The following FGF3 variants were observed in gnomAD, a reference collection of about 807,000 sequenced individuals.
FGF3 encodes fibroblast growth factor 3.
Under a neutral mutation model 9.8 loss-of-function variants are expected in FGF3, and 7 were observed. That is an observed-to-expected ratio of 0.72 (90% CI 0.41 to 1.35). The LOEUF (loss-of-function observed/expected upper bound fraction) is 1.35, where lower values mean the gene tolerates loss of function less well. FGF3 is among the 40% of genes most tolerant of loss of function. The pLI is 0.01. For missense variants in FGF3, 390 were observed against 345.6 expected (o/e 1.13, Z -1.02); for synonymous variants, 173 against 157.2 (o/e 1.10, Z -0.75).
intron 1 of FGF3, among the ~76,000 whole-genome samples, chr11:69,816,860 G>T (rs1856141799): frequency 6.6e-6 from 1 of 152,186 alleles, no homozygotes; most frequent in Non-Finnish European, 1.5e-5. Context: ...GGGACTGCAC[G>T]GTCCCCAATG....
chr11:69,818,868 C>T lies in FGF3; in HGVS notation c.66G>A (p.Gly22=). 1 of 1,464,192 alleles carries T rather than the reference C, an allele frequency of 6.8e-7. No homozygotes were observed. The highest frequency in any genetic ancestry group is 9.0e-7 in the Non-Finnish European group (1 of 1,114,410). The allele number at this position is 1,464,192 out of a possible 1,614,324, so 90.7% of individuals were successfully genotyped here. ...LEPGWPAAGP[G]ARLRRDAGGR... is the part of the protein sequence containing the mutation. ...CGCCCGCATCGCGCCGCAACCGCGC[C>T]CCAGGGCCCGCTGCGGGCCAGCCGG... Residue 22 remains glycine (G), a synonymous_variant, in exon 1 of 3, where the codon GGG becomes GGA. Coordinates refer to ENST00000334134, the MANE Select transcript of FGF3 (RefSeq NM_005247.4).
In FGF3 at chr11:69,819,002, A is replaced by G. The variant is rs1356333326; in HGVS notation, c.-69T>C. ...GCGCGGCGCCCATGGAAGGGGCGGC[A>G]GCCGGACAGCTGCGAGGTGCTCGGA... On this transcript the variant is annotated 5_prime_UTR_variant, in exon 1 of 3. Transcript: ENST00000334134. 7.5e-5 allele frequency: 80 copies of G among 1,063,268 alleles called. No individual in the cohort carries two copies. The highest frequency in any genetic ancestry group is 9.7e-5 in the Non-Finnish European group (75 of 776,240). 65.9% of individuals were successfully genotyped at this position (1,063,268 alleles called of 1,614,324 possible). A position where few individuals can be genotyped will look rare whatever the true frequency, so the allele number is the denominator to read the frequency against.
chr11:69,813,236 G>A (rs894228277), intron 2 of FGF3, among the ~76,000 whole-genome samples: 1 of 152,168 alleles, frequency 6.6e-6, no homozygotes, highest in Non-Finnish European at 1.5e-5. Flanking sequence ...GGAGGAGGGC[G>A]TTCCAGGCAG....
chr11:69,815,689 TCCCCA>T (rs782401479), intron 2 of FGF3, among the ~76,000 whole-genome samples: 15 of 152,162 alleles, frequency 9.9e-5, no homozygotes, highest in Non-Finnish European at 1.6e-4. Context: ...CTCTGTGTAT[TCCCCA>T]CCCCTACCCC....
rs868995912 is a variant in FGF3 at position 69,810,460 on chromosome 11, C to T, written c.565G>A (p.Glu189Lys). ...CCACTCTGTAGCTGCCGCACCATCT[C>T]GTGGTCCCTGTGGTCCAGCACGCGG... ...LPRVLDHRDH[E>K]MVRQLQSGLP... The change falls in exon 3 of 3, where the codon GAG becomes AAG. Residue 189 changes from glutamate (E) to lysine (K), a missense_variant. By Grantham distance (56) the Glu-to-Lys change is moderately conservative. Transcript: ENST00000334134. 6 of 1,602,474 alleles carry T rather than the reference C, an allele frequency of 3.7e-6. No homozygotes were observed. Among genetic ancestry groups the T allele is most frequent in the African/African-American group, 1.3e-5 (1 of 74,986 alleles).
chr11:69,818,966 G>T lies in FGF3; in HGVS notation c.-33C>A. The T allele has an allele frequency of 7.1e-7, 1 of 1,406,330 alleles. No individual in the cohort carries two copies. The highest frequency in any genetic ancestry group is 1.4e-5 in the South Asian group (1 of 73,196). 87.1% of individuals were successfully genotyped at this position (1,406,330 alleles called of 1,614,324 possible). A position where few individuals can be genotyped will look rare whatever the true frequency, so the allele number is the denominator to read the frequency against. On this transcript the variant is annotated 5_prime_UTR_variant, in exon 1 of 3. Coordinates refer to ENST00000334134, the MANE Select transcript of FGF3 (RefSeq NM_005247.4). ...TCGCGCCCGCCCCGCGGCGGCGGCGGCTGCAGGCGAGCGCGGCGCCCATGG... is the reference window on the plus strand; with the variant it reads ...TCGCGCCCGCCCCGCGGCGGCGGCGTCTGCAGGCGAGCGCGGCGCCCATGG...
chr11:69,818,489 C>T (rs376911482), intron 1 of FGF3, among the ~76,000 whole-genome samples: 1 of 152,176 alleles, frequency 6.6e-6, no homozygotes, highest in Admixed American at 6.5e-5. Context: ...CCAGCGCGCG[C>T]TCTTCTCCCG....
rs536361081 is a variant in FGF3 at position 69,818,617 on chromosome 11, C to A, written c.220+97G>T. On this transcript the variant is annotated intron_variant, in intron 1 of 2. Coordinates refer to ENST00000334134, the MANE Select transcript of FGF3 (RefSeq NM_005247.4). ...TCTCCCGGGCCAGACCCCTCCCCGG[C>A]GCCGCCTCCCCCGCGGGGCCCCGCA... is the stretch of plus-strand genomic sequence containing the variant. 2.1e-3 allele frequency: 1,901 copies of A among 897,162 alleles called. 82 individuals are homozygous for A. In the East Asian group the frequency reaches 0.064, roughly 30 times the overall value. 55.6% of individuals were successfully genotyped at this position (897,162 alleles called of 1,614,324 possible). A position where few individuals can be genotyped will look rare whatever the true frequency, so the allele number is the denominator to read the frequency against.
At chr11:69,814,356 C>T (rs11263589) in intron 2 of FGF3, among the ~76,000 whole-genome samples, 49,006 of 151,558 alleles carry the variant, frequency 0.32, 8,105 homozygotes, top group East Asian at 0.41. Context: ...TGACTCCCAG[C>T]CCACTCTGGG....
chr11:69,819,084 A>C lies in FGF3; in HGVS notation c.-151T>G. 2 of 357,932 alleles carry C rather than the reference A, an allele frequency of 5.6e-6. No homozygotes were observed. Among genetic ancestry groups the C allele is most frequent in the Non-Finnish European group, 9.9e-6 (2 of 202,592 alleles). 22.2% of individuals were successfully genotyped at this position (357,932 alleles called of 1,614,324 possible). A position where few individuals can be genotyped will look rare whatever the true frequency, so the allele number is the denominator to read the frequency against. ...GGCTTCGCGGGAAAGGTGGGGGAAG[A>C]AGGGGGAAGGGTGGGCGAGAGAGAG... On this transcript the variant is annotated 5_prime_UTR_variant, in exon 1 of 3. Transcript: ENST00000334134.
At chr11:69,811,476 A>G (rs1380916522) in intron 2 of FGF3, among the ~76,000 whole-genome samples, 1 of 151,822 alleles carries the variant, frequency 6.6e-6, no homozygotes, top group Non-Finnish European at 1.5e-5. Context: ...AAGAAAAGAA[A>G]AAAAAAGAAA....
intron 1 of FGF3, among the ~76,000 whole-genome samples, chr11:69,818,164 G>A (rs1434877183): frequency 6.6e-6 from 1 of 152,334 alleles, no homozygotes; most frequent in Non-Finnish European, 1.5e-5. Context: ...CGCAGAGGCA[G>A]CAGCGGGGGC....
At position 69,810,615 on chromosome 11, in the gene FGF3, A is replaced by G. The variant is rs1280624808; in HGVS notation, c.410T>C (p.Val137Ala). 5 of 1,606,802 alleles carry G rather than the reference A, an allele frequency of 3.1e-6. No individual in the cohort carries two copies. The highest frequency in any genetic ancestry group is 4.3e-6 in the Non-Finnish European group (5 of 1,175,794). Residue 137 changes from valine to alanine, a missense_variant, in exon 3 of 3, where the codon GTG (valine) becomes GCG (alanine). Transcript: ENST00000334134. ...CCGGCGGGCCCCAGGCGTACTAGAC[A>G]CCGTCCGGTACAGCCGGGAGGCATA... is the stretch of plus-strand genomic sequence containing the variant. ...NTYASRLYRT[V>A]SSTPGARRQP...
chr11:69,811,130 T>C (rs1312564361), intron 2 of FGF3, among the ~76,000 whole-genome samples: 1 of 152,128 alleles, frequency 6.6e-6, no homozygotes, highest in African/African-American at 2.4e-5. Flanking sequence ...CAAAGGAAGA[T>C]GACAACACCC....
At chr11:69,817,165 G>A (rs79797914) in intron 1 of FGF3, among the ~76,000 whole-genome samples, 1,930 of 152,070 alleles carry the variant, frequency 0.013, 45 homozygotes, top group African/African-American at 0.044. Context: ...GGGGGCGGGG[G>A]ACTACATCAA....
intron 1 of FGF3, among the ~76,000 whole-genome samples, chr11:69,817,975 G>C (rs182276580): frequency 0.011 from 1,623 of 152,354 alleles, 31 homozygotes; most frequent in African/African-American, 0.037. Flanking sequence ...TGCACCCCCA[G>C]GCCCGGGCGG....
intron 2 of FGF3, among the ~76,000 whole-genome samples, chr11:69,815,166 A>G (rs59137570): frequency 1.3e-3 from 112 of 85,948 alleles, no homozygotes; most frequent in African/African-American, 1.9e-3. Flanking sequence ...TGGATGGGTA[A>G]ATGGGTGGAT....
At chr11:69,813,848 A>ATGGGTGGATGGG (rs1590963220) in intron 2 of FGF3, among the ~76,000 whole-genome samples, 3 of 61,358 alleles carry the variant, frequency 4.9e-5, no homozygotes, top group Non-Finnish European at 7.2e-5. Context: ...GGCTGGTTGG[A>ATGGGTGGATGGG]TGGATGGGTG....
rs1234725536 is a variant in FGF3, at chr11:69,818,870, C to T, written c.64G>A (p.Gly22Arg). The change falls in exon 1 of 3, where the codon GGG becomes AGG. Residue 22 changes from glycine (G) to arginine (R), a missense_variant. Gly to Arg is a moderately radical substitution (Grantham distance 125, BLOSUM62 -2). Transcript: ENST00000334134. Reference sequence around the variant, plus strand: ...CCCGCATCGCGCCGCAACCGCGCCCCAGGGCCCGCTGCGGGCCAGCCGGGC... The same window carrying T: ...CCCGCATCGCGCCGCAACCGCGCCCTAGGGCCCGCTGCGGGCCAGCCGGGC... Reference protein sequence around the residue: ...LEPGWPAAGPGARLRRDAGGR... With the variant: ...LEPGWPAAGPRARLRRDAGGR... The T allele has an allele frequency of 6.8e-7, 1 of 1,464,344 alleles. No individual in the cohort carries two copies. The highest frequency in any genetic ancestry group is 9.0e-7 in the Non-Finnish European group (1 of 1,114,498). The allele number at this position is 1,464,344 out of a possible 1,614,324, so 90.7% of individuals were successfully genotyped here.
Sources: allele counts gnomAD v4.1 joint callset (sites outside exome capture counted in the v4.1 genomes callset), GRCh38; gene constraint gnomAD v4.1.1; transcripts MANE v1.5; gene names NCBI Gene and HGNC (gene_info 2026-07-23, HGNC 2026-07-21).